Variants in RABL3 observed in about 807,000 individuals in gnomAD.
RABL3 encodes rab-like protein 3.
A neutral mutation model predicts 31.8 loss-of-function variants in RABL3; 31 were observed. That is an observed-to-expected ratio of 0.97 (90% confidence interval 0.73 to 1.31). The LOEUF (loss-of-function observed/expected upper bound fraction) is 1.31. Ranked by LOEUF, RABL3 falls within the 40% of genes most tolerant of loss-of-function variation. The probability of loss-of-function intolerance (pLI) is 0.00; values close to 1 mark genes in which losing one functional copy is unlikely to be tolerated. For synonymous variants in RABL3, 97 were observed against 99.9 expected (o/e 0.97, Z 0.18); for missense variants, 263 against 279.6 (o/e 0.94, Z 0.42).
chr3:120,730,522 T>C (rs1020674771), intron 2 of RABL3, among the ~76,000 whole-genome samples, 174 bp downstream of exon 2: 2 of 152,118 alleles, frequency 1.3e-5, no homozygotes. Context: ...TTTAAAAAGG[T>C]GAAATAAGAA....
At chr3:120,695,532 A>G (rs1406315976) in intron 5 of RABL3, among the ~76,000 whole-genome samples, 1 of 152,184 alleles carries the variant, frequency 6.6e-6, no homozygotes, top group Non-Finnish European at 1.5e-5. Flanking sequence ...GGGTAGTAAA[A>G]TATTAGTCCT....
Position 120,689,870 on chromosome 3 carries a change from G to C in RABL3, c.664C>G (p.Arg222Gly). 1.2e-6 allele frequency: 2 copies of C among 1,612,486 alleles called. No homozygotes were observed. The highest frequency in any genetic ancestry group is 1.7e-6 in the Non-Finnish European group (2 of 1,178,818). The change falls in exon 8 of 8, where the codon CGG (arginine) becomes GGG (glycine). Residue 222 changes from arginine (R) to glycine (G), a missense_variant. Arg to Gly is a moderately radical substitution (Grantham distance 125). Transcript: ENST00000273375. ...EGNQIPGFPD[R>G]KRFGAGTLKS... is the part of the protein sequence containing the mutation. The stretch of plus-strand genomic sequence containing the variant: ...AATGTTCCTGCCCCAAATCTTTTCC[G>C]ATCAGGAAAGCCTGGAATCTGTAGG...
chr3:120,717,550 C>G (rs1708685774), intron 2 of RABL3, among the ~76,000 whole-genome samples: 2 of 152,132 alleles, frequency 1.3e-5, no homozygotes, highest in Admixed American at 6.5e-5. Flanking sequence ...GTCACTGCAA[C>G]CTCCGCATCC....
chr3:120,727,917 A>G (rs764272527), intron 2 of RABL3, among the ~76,000 whole-genome samples: 2 of 152,222 alleles, frequency 1.3e-5, no homozygotes, highest in African/African-American at 2.4e-5. Context: ...TAATAGGAAT[A>G]GAAGGACATT....
intron 2 of RABL3, among the ~76,000 whole-genome samples, chr3:120,729,573 T>C (rs1340464431): frequency 1.3e-5 from 2 of 151,982 alleles, no homozygotes; most frequent in Non-Finnish European, 2.9e-5. Context: ...GCAGACACCA[T>C]AATGAAGGAT....
At chr3:120,694,414 TA>T (rs1351088470) in intron 5 of RABL3, among the ~76,000 whole-genome samples, 190 bp from the exon 6 acceptor site, 1 of 152,306 alleles carries the variant, frequency 6.6e-6, no homozygotes, top group East Asian at 1.9e-4. Context: ...TAAGGTCACT[TA>T]ATCTTTGTAA....
At chr3:120,699,517 A>T (rs767829660) in intron 4 of RABL3, among the ~76,000 whole-genome samples, 4 of 152,222 alleles carry the variant, frequency 2.6e-5, no homozygotes, top group Non-Finnish European at 5.9e-5. Flanking sequence ...ACACGTTATA[A>T]GCTCAACTTA....
intron 2 of RABL3, among the ~76,000 whole-genome samples, chr3:120,724,608 G>C (rs1708793762): frequency 6.6e-6 from 1 of 152,146 alleles, no homozygotes; most frequent in Non-Finnish European, 1.5e-5. Flanking sequence ...CAGACATATA[G>C]GCCAATGGAA....
chr3:120,722,761 C>A (rs1373446001), intron 2 of RABL3: 1 of 152,020 alleles, frequency 6.6e-6, no homozygotes, highest in Non-Finnish European at 1.5e-5. Flanking sequence ...AGAACAAAGA[C>A]ACAACATACC....
At chr3:120,734,253 G>A (rs1333010620) in intron 1 of RABL3, among the ~76,000 whole-genome samples, 1 of 152,150 alleles carries the variant, frequency 6.6e-6, no homozygotes, top group Non-Finnish European at 1.5e-5. Context: ...CCTTGAAGAG[G>A]TCCTTCACAT....
At chr3:120,729,383 G>GA (rs1431493174) in intron 2 of RABL3, among the ~76,000 whole-genome samples, 1 of 151,938 alleles carries the variant, frequency 6.6e-6, no homozygotes, top group Non-Finnish European at 1.5e-5. Context: ...AAAGGGAGAG[G>GA]AAAAAAATCC....
At chr3:120,728,828 C>T (rs986804191) in intron 2 of RABL3, among the ~76,000 whole-genome samples, 1 of 151,998 alleles carries the variant, frequency 6.6e-6, no homozygotes, top group East Asian at 1.9e-4. Flanking sequence ...GCAGAGAAGA[C>T]TAGCTCAAGA....
chr3:120,698,113 G>A (rs1196735298), intron 5 of RABL3, among the ~76,000 whole-genome samples: 2 of 152,190 alleles, frequency 1.3e-5, no homozygotes, highest in Non-Finnish European at 2.9e-5. Flanking sequence ...GCAGTGAGCT[G>A]AGAACGCGCC....
At chr3:120,717,841 A>G (rs1313191326) in intron 2 of RABL3, among the ~76,000 whole-genome samples, 2 of 152,186 alleles carry the variant, frequency 1.3e-5, no homozygotes, top group African/African-American at 4.8e-5. Context: ...AGAACTAACT[A>G]GTAATCTCAT....
chr3:120,742,422 A>G, intron 1 of RABL3, 40 bp downstream of exon 1: 1 of 1,604,144 alleles, frequency 6.2e-7, no homozygotes, highest in Non-Finnish European at 8.5e-7. Context: ...TGGGTAACTC[A>G]AAAGTGTCTG....
intron 1 of RABL3, among the ~76,000 whole-genome samples, chr3:120,735,380 C>T (rs57704109): frequency 0.073 from 11,137 of 152,104 alleles, 1,328 homozygotes; most frequent in East Asian, 0.47. Context: ...TCTGTGGGAT[C>T]GGTGGTGATA....
intron 2 of RABL3, among the ~76,000 whole-genome samples, chr3:120,720,809 C>A (rs1484454701): frequency 1.3e-5 from 2 of 152,238 alleles, no homozygotes; most frequent in South Asian, 2.1e-4. Context: ...GGCAGGCCAA[C>A]ATTCAAATTC....
At chr3:120,738,410 C>T (rs1708998907) in intron 1 of RABL3, 1 of 152,416 alleles carries the variant, frequency 6.6e-6, no homozygotes, top group Non-Finnish European at 1.5e-5. Flanking sequence ...CACCGCTTCC[C>T]TTGGCTAGGA....
At chr3:120,696,411 C>T (rs1297555707) in intron 5 of RABL3, among the ~76,000 whole-genome samples, 1 of 152,090 alleles carries the variant, frequency 6.6e-6, no homozygotes, top group Non-Finnish European at 1.5e-5. Flanking sequence ...TCCCTGCATT[C>T]TCTGACCCTC....
Sources: gnomAD v4.1 joint callset for allele counts (sites outside exome capture counted in the v4.1 genomes callset) on GRCh38, gnomAD v4.1.1 for gene constraint, MANE v1.5 for transcripts, NCBI Gene and HGNC (gene_info 2026-07-23, HGNC 2026-07-21) for gene names.